IGSF11: variants seen among roughly 807,000 people sequenced by gnomAD.
IGSF11 encodes the protein immunoglobulin superfamily member 11.
A neutral mutation model predicts 41.0 loss-of-function variants in IGSF11; 22 were observed. That is an observed-to-expected ratio of 0.54 (90% CI 0.38 to 0.77). The LOEUF is 0.77. IGSF11 is among the 30% of genes least tolerant of loss of function. IGSF11 has a pLI of 0.00. For synonymous variants in IGSF11, 219 were observed against 201.3 expected, an observed-to-expected ratio of 1.09 and a Z score of -0.74; for missense variants, 444 against 530.8, an observed-to-expected ratio of 0.84 and a Z score of 1.61.
intron 1 of IGSF11, among the ~76,000 whole-genome samples, chr3:118,936,975 C>T (rs1376743351): frequency 6.6e-6 from 1 of 152,176 alleles, no homozygotes; most frequent in Non-Finnish European, 1.5e-5. Context: ...AGAGATTGAA[C>T]GTTGGATGTT....
At chr3:118,955,189 A>C (rs1345010806) in intron 1 of IGSF11, among the ~76,000 whole-genome samples, 1 of 151,540 alleles carries the variant, frequency 6.6e-6, no homozygotes, top group Non-Finnish European at 1.5e-5. Context: ...TGGATAAAGA[A>C]ATTGTGGTAT....
intron 1 of IGSF11, among the ~76,000 whole-genome samples, chr3:119,015,388 T>G (rs1374444202): frequency 6.6e-6 from 1 of 152,166 alleles, no homozygotes; most frequent in African/African-American, 2.4e-5. Context: ...TCCAACCCAC[T>G]ACAACCCTGT....
intron 1 of IGSF11, among the ~76,000 whole-genome samples, chr3:119,022,249 G>A (rs1022825954): frequency 3.3e-5 from 5 of 152,128 alleles, no homozygotes; most frequent in African/African-American, 1.2e-4. Context: ...GAGATAAGAA[G>A]TAGATTAGAG....
intron 1 of IGSF11, among the ~76,000 whole-genome samples, chr3:118,944,009 C>A (rs1238664533): frequency 6.6e-6 from 1 of 152,184 alleles, no homozygotes; most frequent in Non-Finnish European, 1.5e-5. Flanking sequence ...CAATTAAATT[C>A]TTTTTAAAAA....
intron 1 of IGSF11, among the ~76,000 whole-genome samples, chr3:119,118,996 T>C (rs2077296938): frequency 6.6e-6 from 1 of 152,198 alleles, no homozygotes. Flanking sequence ...GTCCATATCA[T>C]TATTGGCATT....
chr3:119,129,784 A>G (rs879603211), intron 1 of IGSF11, among the ~76,000 whole-genome samples: 6 of 152,338 alleles, frequency 3.9e-5, no homozygotes, highest in Admixed American at 1.3e-4. Flanking sequence ...CAGGAGTTCC[A>G]GACCAGCTTG....
At chr3:119,108,027 C>A (rs1350902553), upstream of IGSF11, among the ~76,000 whole-genome samples, 1 of 151,498 alleles carries the variant, frequency 6.6e-6, no homozygotes, top group Non-Finnish European at 1.5e-5. Flanking sequence ...AGTGTGATGC[C>A]TCCAGCTTTA....
At chr3:118,996,063 C>T (rs550747482) in intron 1 of IGSF11, among the ~76,000 whole-genome samples, 16 of 152,240 alleles carry the variant, frequency 1.1e-4, no homozygotes, top group South Asian at 2.1e-4. Flanking sequence ...GGATTACAGG[C>T]GTGAGCCACC....
At chr3:119,053,561 G>C (rs944032251) in intron 1 of IGSF11, among the ~76,000 whole-genome samples, 2 of 152,138 alleles carry the variant, frequency 1.3e-5, no homozygotes, top group East Asian at 1.9e-4. Flanking sequence ...TGGATGGGTA[G>C]AATCAATATT....
At chr3:119,029,556 T>A (rs1288565703) in intron 1 of IGSF11, among the ~76,000 whole-genome samples, 4 of 152,128 alleles carry the variant, frequency 2.6e-5, no homozygotes, top group African/African-American at 9.7e-5. Context: ...GAACCTGATG[T>A]TACTAGCAGA....
chr3:118,982,563 G>A (rs985606319), intron 1 of IGSF11, among the ~76,000 whole-genome samples: 1 of 151,766 alleles, frequency 6.6e-6, no homozygotes, highest in African/African-American at 2.4e-5. Flanking sequence ...AAGGACAAAG[G>A]GTTTTATCAC....
intron 1 of IGSF11, among the ~76,000 whole-genome samples, chr3:118,955,618 T>TC (rs1944903595): frequency 1.3e-5 from 2 of 152,068 alleles, no homozygotes; most frequent in Non-Finnish European, 2.9e-5. Context: ...TCGAAAAGAA[T>TC]CTTTTTTTTT....
chr3:119,043,349 C>A (rs1388057908), intron 1 of IGSF11, among the ~76,000 whole-genome samples: 3 of 152,112 alleles, frequency 2.0e-5, no homozygotes, highest in African/African-American at 7.2e-5. Context: ...AGTGAGCTCT[C>A]TTTACTACCT....
At chr3:119,050,070 A>T (rs1337788660) in intron 1 of IGSF11, among the ~76,000 whole-genome samples, 2 of 149,142 alleles carry the variant, frequency 1.3e-5, no homozygotes, top group Admixed American at 6.7e-5. Context: ...AGGCATTACC[A>T]TTCAGGACAT....
intron 1 of IGSF11, among the ~76,000 whole-genome samples, chr3:118,967,802 T>C (rs1203759883): frequency 6.6e-6 from 1 of 152,210 alleles, no homozygotes; most frequent in Non-Finnish European, 1.5e-5. Context: ...TGTTTTCCTC[T>C]TTGTAGGAGC....
At chr3:119,105,087 C>A in intron 1 of IGSF11, 1 of 1,115,452 alleles carries the variant, frequency 9.0e-7, no homozygotes, top group South Asian at 1.3e-5. Flanking sequence ...TCAGCCAGGC[C>A]ATAAGAGATA....
intron 1 of IGSF11, among the ~76,000 whole-genome samples, chr3:118,967,057 A>G (rs1316531261): frequency 6.6e-6 from 1 of 152,160 alleles, no homozygotes; most frequent in East Asian, 1.9e-4. Flanking sequence ...ATTTTGAAGG[A>G]GGGCTCTAAT....
chr3:118,923,159 A>G (rs1941992858), intron 4 of IGSF11, among the ~76,000 whole-genome samples: 1 of 152,174 alleles, frequency 6.6e-6, no homozygotes, highest in African/African-American at 2.4e-5. Flanking sequence ...CTGGCTTTCA[A>G]TGAATGCTAG....
At chr3:119,073,131 A>T (rs2076429575) in intron 1 of IGSF11, among the ~76,000 whole-genome samples, 1 of 152,000 alleles carries the variant, frequency 6.6e-6, no homozygotes, top group African/African-American at 2.4e-5. Context: ...CTAGACACAG[A>T]GTGCTGATTG....
Sources: allele counts gnomAD v4.1 joint callset (sites outside exome capture counted in the v4.1 genomes callset), GRCh38; gene constraint gnomAD v4.1.1; transcripts MANE v1.5; gene names NCBI Gene and HGNC (gene_info 2026-07-23, HGNC 2026-07-21).